Variants in SPI1 observed in about 807,000 individuals in gnomAD.
The protein encoded by SPI1 is transcription factor PU.1.
A neutral mutation model predicts 30.7 loss-of-function variants in SPI1; 3 were observed. The observed-to-expected ratio is 0.10, with a 90% CI of 0.04 to 0.25. The LOEUF is 0.25. SPI1 is among the 10% of genes least tolerant of loss of function. SPI1 has a pLI of 1.00. For missense variants in SPI1, 261 were observed against 371.5 expected (o/e 0.70, Z 2.45); for synonymous variants, 169 against 157.1 (o/e 1.08, Z -0.56).
At chr11:47,370,022 G>A (rs534607044) in intron 2 of SPI1, among the ~76,000 whole-genome samples, 33 of 152,212 alleles carry the variant, frequency 2.2e-4, no homozygotes, top group South Asian at 4.1e-4. Context: ...ATGGTCACCC[G>A]GATAGCAATG....
At chr11:47,363,605 A>T (rs984858943) in intron 2 of SPI1, among the ~76,000 whole-genome samples, 1 of 152,014 alleles carries the variant, frequency 6.6e-6, no homozygotes, top group Non-Finnish European at 1.5e-5. Flanking sequence ...CTCCCACCTC[A>T]GCCTCCCCAA....
Position 47,359,858 on chromosome 11 carries a change from G to A in SPI1, c.325C>T (p.His109Tyr). 6.2e-7 allele frequency: 1 copy of A among 1,604,862 alleles called. No homozygotes were observed. Among genetic ancestry groups the A allele is most frequent in the Non-Finnish European group, 8.5e-7 (1 of 1,179,700 alleles). Residue 109 changes from histidine (H) to tyrosine (Y), a missense_variant, in exon 3 of 5, where the codon CAC becomes TAC. His to Tyr is a moderately conservative substitution (Grantham distance 83). Transcript: ENST00000378538. This position sits in a 1 kb window ranked among gnomAD's most constrained non-coding sequence, Gnocchi z 5.1. The stretch of plus-strand genomic sequence containing the variant: ...GGGCAGGCGGTGGCATGCACCTGGT[G>A]GCCAAGACTGGGATGGGGTGGCACC... Reference protein sequence around the residue: ...PMVPPHPSLGHQVSYLPRMCL... With the variant: ...PMVPPHPSLGYQVSYLPRMCL...
At chr11:47,363,799 C>T (rs141947880) in intron 2 of SPI1, among the ~76,000 whole-genome samples, 5,395 of 150,670 alleles carry the variant, frequency 0.036, 99 homozygotes, top group Middle Eastern at 0.064. Flanking sequence ...CCCGTCTCTA[C>T]AAAAATATAA....
intron 4 of SPI1, 157 bp downstream of exon 4, chr11:47,358,687 C>T (rs1343583751): frequency 1.3e-6 from 1 of 784,632 alleles, no homozygotes; most frequent in African/African-American, 1.7e-5. Context: ...CAGAGACAGC[C>T]ACAGACAGCC....
In SPI1 at chr11:47,368,859, A is replaced by G. The variant is rs1370180867; in HGVS notation, c.142+6774T>C. On this transcript the variant is annotated intron_variant, in intron 2 of 4. Coordinates refer to ENST00000378538, the MANE Select transcript of SPI1 (RefSeq NM_003120.3). The stretch of plus-strand genomic sequence containing the variant: ...TGGATGGTGATGATAACGTGAATAT[A>G]TTTAATATCACAGAACTATACACTT... Among the ~76,000 whole-genome samples, 4 of 152,308 alleles carry G rather than the reference A, an allele frequency of 2.6e-5. No individual in the cohort carries two copies. The South Asian group carries it at 6.2e-4, about 24-fold the overall frequency.
At position 47,375,444 on chromosome 11, in the gene SPI1, G is replaced by A. The variant is rs1005693243; in HGVS notation, c.142+189C>T. 6.6e-6 allele frequency among the ~76,000 whole-genome samples: 1 copy of A among 152,218 alleles called. No individual in the cohort carries two copies. Among genetic ancestry groups the A allele is most frequent in the Non-Finnish European group, 1.5e-5 (1 of 68,048 alleles). ...CCCCGCACCTTGACACACTGCAGAGGCTCCATAATGGAGGCTCAGGTGTGG... is the reference window on the plus strand; with the variant it reads ...CCCCGCACCTTGACACACTGCAGAGACTCCATAATGGAGGCTCAGGTGTGG... On this transcript the variant is annotated intron_variant, in intron 2 of 4. Transcript: ENST00000378538. This position sits in a 1 kb window ranked among gnomAD's most constrained non-coding sequence, Gnocchi z 4.2.
intron 2 of SPI1, among the ~76,000 whole-genome samples, chr11:47,365,081 C>G (rs2095926442): frequency 6.6e-6 from 1 of 152,146 alleles, no homozygotes; most frequent in African/African-American, 2.4e-5. Flanking sequence ...ATACAGAGCC[C>G]TCTGTGAGAA....
Position 47,359,093 on chromosome 11 carries a change from G to GTCA in SPI1, c.331-88_331-87insTGA. The GTCA allele has an allele frequency of 7.9e-7, 1 of 1,266,090 alleles. No individual in the cohort carries two copies. The highest frequency in any genetic ancestry group is 1.5e-5 in the South Asian group (1 of 65,422). 78.4% of individuals were successfully genotyped at this position (1,266,090 alleles called of 1,614,324 possible). ...GGAGGGAGGTCAGCTGGGGAGAGAAGGAGTGCAGAGGGCAGGGGACAATGG... is the reference window on the plus strand; with the variant it reads ...GGAGGGAGGTCAGCTGGGGAGAGAAGTCAGAGTGCAGAGGGCAGGGGACAATGG... On this transcript the variant is annotated intron_variant, in intron 3 of 4. Transcript: ENST00000378538. The surrounding 1 kb of genome is among the most constrained non-coding windows in gnomAD (Gnocchi z 5.1).
At chr11:47,357,884 TCACA>T (rs1181393409) in intron 4 of SPI1, among the ~76,000 whole-genome samples, 4 of 151,792 alleles carry the variant, frequency 2.6e-5, no homozygotes, top group Non-Finnish European at 5.9e-5. Flanking sequence ...CCATTCATGC[TCACA>T]CACTCATTCA....
intron 4 of SPI1, among the ~76,000 whole-genome samples, chr11:47,356,998 ACACACACTTCCT>A (rs1291110860): frequency 2.8e-4 from 42 of 148,584 alleles, no homozygotes; most frequent in African/African-American, 1.0e-3. Context: ...ACCTATCCAT[ACACACACTTCCT>A]CACACACCTC....
intron 2 of SPI1, among the ~76,000 whole-genome samples, chr11:47,372,890 G>T (rs1247096823): frequency 1.3e-5 from 2 of 152,172 alleles, no homozygotes; most frequent in Non-Finnish European, 2.9e-5. Flanking sequence ...TATGTTACTT[G>T]CCCCAAGTTT....
intron 4 of SPI1, 84 bp downstream of exon 4, chr11:47,358,760 G>T (rs1431266398): frequency 9.4e-6 from 13 of 1,376,298 alleles, no homozygotes; most frequent in Non-Finnish European, 1.2e-5. Context: ...TGGCGTGGCT[G>T]CTGGGTCAGT....
Position 47,378,350 on chromosome 11 carries a change from A to T in SPI1, c.4T>A (p.Leu2Ile). 1 of 1,613,202 alleles carries T rather than the reference A, an allele frequency of 6.2e-7. No individual in the cohort carries two copies. The highest frequency in any genetic ancestry group is 2.2e-5 in the East Asian group (1 of 44,848). M[L>I]QACKMEGFPL... is the part of the protein sequence containing the mutation. The stretch of plus-strand genomic sequence containing the variant: ...AACCCTTCCATTTTGCACGCCTGTA[A>T]CATCCAGCCGGGCTCCGAGTCGGTC... Residue 2 changes from leucine to isoleucine, a missense_variant, in exon 1 of 5, where the codon TTA becomes ATA. This residue lies in a region of SPI1 where 78 missense variants were observed against 93.2 expected (regional missense o/e 0.84). Transcript: ENST00000378538.
chr11:47,370,879 AGTGT>A (rs57400879), intron 2 of SPI1, among the ~76,000 whole-genome samples: 11 of 150,318 alleles, frequency 7.3e-5, no homozygotes, highest in African/African-American at 1.9e-4. Flanking sequence ...GAGAAATGTG[AGTGT>A]GTGTGTGTGT....
chr11:47,361,778 A>G (rs1239077639), intron 2 of SPI1, among the ~76,000 whole-genome samples: 1 of 152,118 alleles, frequency 6.6e-6, no homozygotes, highest in Non-Finnish European at 1.5e-5. Flanking sequence ...CTAATAGATA[A>G]TCATGATTTT....
chr11:47,355,767 C>T (rs919216426), intron 4 of SPI1, among the ~76,000 whole-genome samples: 2 of 125,522 alleles, frequency 1.6e-5, no homozygotes, highest in African/African-American at 3.2e-5. Context: ...CTCACACCCA[C>T]GCACTCACCC....
At chr11:47,356,840 CCA>C (rs1183389830) in intron 4 of SPI1, among the ~76,000 whole-genome samples, 1 of 148,906 alleles carries the variant, frequency 6.7e-6, no homozygotes, top group Non-Finnish European at 1.5e-5. Flanking sequence ...TTACTCAGCC[CCA>C]CACGCACACA....
chr11:47,366,665 A>T (rs963098372), intron 2 of SPI1, among the ~76,000 whole-genome samples: 24 of 152,224 alleles, frequency 1.6e-4, no homozygotes, highest in Non-Finnish European at 3.2e-4. Flanking sequence ...TAAAAATAGA[A>T]AAAAAATTAG....
chr11:47,358,296 C>T (rs1293516937), intron 4 of SPI1: 1 of 510,472 alleles, frequency 2.0e-6, no homozygotes, highest in Non-Finnish European at 3.6e-6. Flanking sequence ...ACACATATCA[C>T]TCACACATGC....
Sources: gnomAD v4.1 joint callset for allele counts (sites outside exome capture counted in the v4.1 genomes callset) on GRCh38, gnomAD v4.1.1 for gene constraint, gnomAD v4.1.1 regional missense constraint, Gnocchi (gnomAD v3.1) non-coding constraint, MANE v1.5 for transcripts, NCBI Gene and HGNC (gene_info 2026-07-23, HGNC 2026-07-21) for gene names.